The following SNTG1 variants were observed in gnomAD, a reference collection of about 807,000 sequenced individuals.
SNTG1 encodes the protein syntrophin gamma 1.
A neutral mutation model predicts 74.7 loss-of-function variants in SNTG1; 39 were observed. That is an observed-to-expected ratio of 0.52 (90% confidence interval 0.40 to 0.68). The LOEUF (loss-of-function observed/expected upper bound fraction) is 0.68. Among genes scored for constraint, SNTG1 ranks in the 30% least tolerant of loss-of-function variants. SNTG1 has a pLI of 0.00. For missense variants in SNTG1, 685 were observed against 609.5 expected (o/e 1.12, Z -1.30); for synonymous variants, 254 against 217.1 (o/e 1.17, Z -1.49).
intron 4 of SNTG1, among the ~76,000 whole-genome samples, chr8:50,416,886 G>A (rs1409615870): frequency 6.6e-6 from 1 of 151,878 alleles, no homozygotes; most frequent in African/African-American, 2.4e-5. Flanking sequence ...TACTTGTTCT[G>A]TTCTATCCAT....
rs375476628 is a variant in SNTG1, at chr8:50,449,743, T to C, written c.277+18T>C. 5.8e-6 allele frequency: 9 copies of C among 1,556,484 alleles called. No individual in the cohort carries two copies. In the African/African-American group the frequency reaches 6.9e-5, roughly 12 times the overall value. On this transcript the variant is annotated intron_variant, in intron 6 of 18. Coordinates refer to ENST00000642720, the MANE Select transcript of SNTG1 (RefSeq NM_018967.5). The stretch of plus-strand genomic sequence containing the variant: ...ACAAAGAGGTAATATGTTTAGAGAA[T>C]TGTGTACCAGCCATTTCTTTAAGGC...
At chr8:49,999,902 T>C (rs1814589630) in intron 1 of SNTG1, among the ~76,000 whole-genome samples, 2 of 152,200 alleles carry the variant, frequency 1.3e-5, no homozygotes, top group African/African-American at 4.8e-5. Flanking sequence ...ACTTGAATGA[T>C]TTTTTGTCCC....
At chr8:49,950,696 T>C (rs2129390510) in intron 1 of SNTG1, among the ~76,000 whole-genome samples, 1 of 152,304 alleles carries the variant, frequency 6.6e-6, no homozygotes, top group Middle Eastern at 3.4e-3. Flanking sequence ...ATATGTTGTG[T>C]ATTTTGCTTA....
At chr8:50,173,396 C>G (rs1362792583) in intron 2 of SNTG1, among the ~76,000 whole-genome samples, 1 of 152,086 alleles carries the variant, frequency 6.6e-6, no homozygotes, top group Non-Finnish European at 1.5e-5. Flanking sequence ...AGTCCAAGGA[C>G]TTGTAGTATG....
At chr8:50,270,160 A>G (rs1005342304) in intron 2 of SNTG1, among the ~76,000 whole-genome samples, 2 of 152,178 alleles carry the variant, frequency 1.3e-5, no homozygotes, top group Non-Finnish European at 2.9e-5. Context: ...AGCAAGAGCT[A>G]TAATATATGA....
At chr8:50,543,222 A>G (rs1294953844) in intron 11 of SNTG1, among the ~76,000 whole-genome samples, 1 of 152,158 alleles carries the variant, frequency 6.6e-6, no homozygotes, top group African/African-American at 2.4e-5. Flanking sequence ...CTTTCGATTT[A>G]AGTGTTTAAT....
intron 1 of SNTG1, among the ~76,000 whole-genome samples, chr8:50,016,321 T>G (rs1816309698): frequency 6.6e-6 from 1 of 152,120 alleles, no homozygotes. Context: ...CAAAATGATA[T>G]TTTTTAAAAT....
chr8:50,311,959 C>T (rs2090130946), intron 2 of SNTG1, among the ~76,000 whole-genome samples: 1 of 152,058 alleles, frequency 6.6e-6, no homozygotes, highest in South Asian at 2.1e-4. Context: ...TCTTAATTAT[C>T]CCCATTAATG....
At position 50,324,831 on chromosome 8, in the gene SNTG1, A is replaced by G. The variant is rs541781414; in HGVS notation, c.-27-69381A>G. The stretch of plus-strand genomic sequence containing the variant: ...ATCTAAAAAGTCATCACCAAATGTA[A>G]GGTCATTTAGATTGTCTTCTGTTAT... On this transcript the variant is annotated intron_variant, in intron 2 of 18. Transcript: ENST00000642720. Among the ~76,000 whole-genome samples, 435 of 151,466 alleles carry G rather than the reference A, an allele frequency of 2.9e-3. 2 individuals carry two copies. Among genetic ancestry groups the G allele is most frequent in the African/African-American group, 0.01 (416 of 41,298 alleles).
chr8:49,937,207 A>G (rs1345128012), intron 1 of SNTG1, among the ~76,000 whole-genome samples: 3 of 152,172 alleles, frequency 2.0e-5, no homozygotes, highest in Non-Finnish European at 4.4e-5. Context: ...AAGTCAGACC[A>G]AACAAAGGGA....
chr8:49,959,532 G>T (rs1473283514), intron 1 of SNTG1, among the ~76,000 whole-genome samples: 1 of 152,174 alleles, frequency 6.6e-6, no homozygotes, highest in Non-Finnish European at 1.5e-5. Flanking sequence ...TCATATAAAT[G>T]GAATCATACA....
intron 2 of SNTG1, among the ~76,000 whole-genome samples, chr8:50,236,349 C>T (rs373660350): frequency 1.5e-4 from 23 of 152,024 alleles, no homozygotes; most frequent in African/African-American, 5.1e-4. Context: ...GTTCTTAAAC[C>T]TTCTCCTTCC....
intron 2 of SNTG1, among the ~76,000 whole-genome samples, chr8:50,273,829 A>G (rs190916782): frequency 2.0e-5 from 3 of 152,284 alleles, no homozygotes; most frequent in East Asian, 1.9e-4. Context: ...GAGGGAGAAG[A>G]GTGATGAGAG....
At position 50,615,401 on chromosome 8, in the gene SNTG1, T is replaced by C. The variant is rs79993531; in HGVS notation, c.849+24484T>C. On this transcript the variant is annotated intron_variant, in intron 13 of 18. Transcript: ENST00000642720. ...AGCTTATTTTGACATTTAGTTTAAT[T>C]AAAGCATCTTAGGATTTCCATGGGG... is the stretch of plus-strand genomic sequence containing the variant. Among the ~76,000 whole-genome samples, 56 of 152,292 alleles carry C rather than the reference T, an allele frequency of 3.7e-4. No homozygotes were observed. In the East Asian group the frequency reaches 8.5e-3, roughly 23 times the overall value.
chr8:50,721,020 C>G (rs2095486415), intron 17 of SNTG1, among the ~76,000 whole-genome samples: 1 of 152,130 alleles, frequency 6.6e-6, no homozygotes, highest in South Asian at 2.1e-4. Flanking sequence ...AAACAGTGAG[C>G]TGGTAAGGAA....
intron 4 of SNTG1, 58 bp downstream of exon 4, chr8:50,402,402 G>A (rs2092818616): frequency 6.5e-7 from 1 of 1,527,376 alleles, no homozygotes; most frequent in Non-Finnish European, 8.8e-7. Context: ...TAATAAAAAT[G>A]TTTATTCACA....
intron 18 of SNTG1, among the ~76,000 whole-genome samples, chr8:50,767,064 G>A (rs2095615621): frequency 6.6e-6 from 1 of 151,852 alleles, no homozygotes; most frequent in African/African-American, 2.4e-5. Flanking sequence ...CCTTTTCTAA[G>A]GAAAATAATC....
At chr8:50,506,597 A>G (rs1214240257) in intron 9 of SNTG1, among the ~76,000 whole-genome samples, 2 of 152,006 alleles carry the variant, frequency 1.3e-5, no homozygotes, top group Non-Finnish European at 1.5e-5. Flanking sequence ...TTTTGATGCT[A>G]TTATCAATAA....
intron 2 of SNTG1, among the ~76,000 whole-genome samples, chr8:50,311,074 T>C (rs1427229949): frequency 6.6e-6 from 1 of 152,258 alleles, no homozygotes; most frequent in African/African-American, 2.4e-5. Context: ...GGCATGATTC[T>C]TTCTAAAAAT....
Sources: allele counts gnomAD v4.1 joint callset (sites outside exome capture counted in the v4.1 genomes callset), GRCh38; gene constraint gnomAD v4.1.1; transcripts MANE v1.5; gene names NCBI Gene and HGNC (gene_info 2026-07-23, HGNC 2026-07-21).